The following PLPPR1 variants were observed in gnomAD, a reference collection of about 807,000 sequenced individuals.
PLPPR1 encodes phospholipid phosphatase related 1, also known as phospholipid phosphatase-related protein type 1.
In PLPPR1, 10 loss-of-function variants were observed where a neutral mutation model predicts 33.1. That is an observed-to-expected ratio of 0.30 (90% CI 0.19 to 0.51). PLPPR1 has a LOEUF of 0.51. PLPPR1 is among the 20% of genes least tolerant of loss of function. The pLI, the probability that PLPPR1 is intolerant of heterozygous loss-of-function variation, is 0.97. For missense variants in PLPPR1, 304 were observed against 408.1 expected (o/e 0.74, Z 2.20); for synonymous variants, 151 against 151.0 (o/e 1.00, Z 0.00).
chr9:101,124,790 C>T (rs918067874), intron 1 of PLPPR1, among the ~76,000 whole-genome samples: 2 of 152,204 alleles, frequency 1.3e-5, no homozygotes, highest in African/African-American at 2.4e-5. Flanking sequence ...TCCTCTTCCC[C>T]ATATAGTTAT....
chr9:101,243,060 A>G (rs971748277), intron 2 of PLPPR1, among the ~76,000 whole-genome samples: 1 of 152,206 alleles, frequency 6.6e-6, no homozygotes, highest in Middle Eastern at 3.4e-3. Flanking sequence ...GAATAATTGT[A>G]GCAGAAGGAA....
intron 1 of PLPPR1, among the ~76,000 whole-genome samples, chr9:101,134,681 G>A (rs1016448875): frequency 2.0e-5 from 3 of 152,116 alleles, no homozygotes; most frequent in African/African-American, 7.2e-5. Context: ...ACCACACATG[G>A]CTAGAACAGG....
intron 2 of PLPPR1, among the ~76,000 whole-genome samples, chr9:101,200,951 A>T (rs1826481669): frequency 6.6e-6 from 1 of 152,246 alleles, no homozygotes; most frequent in Non-Finnish European, 1.5e-5. Flanking sequence ...AAGAAAATAT[A>T]TGAGCCTGAG....
intron 2 of PLPPR1, among the ~76,000 whole-genome samples, chr9:101,246,850 T>G (rs1827619915): frequency 6.6e-6 from 1 of 151,980 alleles, no homozygotes; most frequent in Non-Finnish European, 1.5e-5. Context: ...GGTGCACACA[T>G]CTGGGAGTTA....
At chr9:101,061,435 T>C (rs1473646112) in intron 1 of PLPPR1, among the ~76,000 whole-genome samples, 2 of 151,982 alleles carry the variant, frequency 1.3e-5, no homozygotes. Flanking sequence ...AGATTTTCTC[T>C]GCATGATACA....
intron 4 of PLPPR1, among the ~76,000 whole-genome samples, chr9:101,303,743 A>G (rs1049668698): frequency 6.6e-6 from 1 of 152,114 alleles, no homozygotes; most frequent in South Asian, 2.1e-4. Flanking sequence ...ATCCAGATAA[A>G]TTGTTTTTAT....
intron 1 of PLPPR1, among the ~76,000 whole-genome samples, chr9:101,123,681 C>T (rs1034644068): frequency 2.6e-5 from 4 of 152,122 alleles, no homozygotes; most frequent in Non-Finnish European, 5.9e-5. Flanking sequence ...GCTGGGATGG[C>T]TTAGCATTTG....
chr9:101,061,372 T>A (rs1830345771), intron 1 of PLPPR1, among the ~76,000 whole-genome samples: 1 of 151,976 alleles, frequency 6.6e-6, no homozygotes, highest in African/African-American at 2.4e-5. Flanking sequence ...ACTTGCAAAA[T>A]GCTCTGCAGT....
chr9:101,219,046 G>A (rs1386330601), intron 2 of PLPPR1, among the ~76,000 whole-genome samples: 1 of 152,184 alleles, frequency 6.6e-6, no homozygotes, highest in African/African-American at 2.4e-5. Context: ...GGAAAGGATA[G>A]TTTTTAAACC....
At chr9:101,054,994 T>TTTCATAAGC (rs1830264510) in intron 1 of PLPPR1, among the ~76,000 whole-genome samples, 1 of 152,194 alleles carries the variant, frequency 6.6e-6, no homozygotes, top group Non-Finnish European at 1.5e-5. Context: ...AACGTGGTCA[T>TTTCATAAGC]TTCATAAGCG....
intron 1 of PLPPR1, among the ~76,000 whole-genome samples, chr9:101,130,317 G>A (rs1168253858): frequency 6.6e-6 from 1 of 152,098 alleles, no homozygotes; most frequent in Non-Finnish European, 1.5e-5. Context: ...GAGCAGATTG[G>A]GGGCATTCAG....
intron 1 of PLPPR1, among the ~76,000 whole-genome samples, chr9:101,087,888 C>A (rs910497847): frequency 6.6e-6 from 1 of 152,112 alleles, no homozygotes; most frequent in Non-Finnish European, 1.5e-5. Flanking sequence ...ATGAAATCAC[C>A]AATCATTCCT....
At chr9:101,055,091 C>T (rs1316954188) in intron 1 of PLPPR1, among the ~76,000 whole-genome samples, 4 of 152,148 alleles carry the variant, frequency 2.6e-5, no homozygotes, top group Non-Finnish European at 5.9e-5. Flanking sequence ...TCAACTAGAA[C>T]CAATGATTAT....
intron 2 of PLPPR1, among the ~76,000 whole-genome samples, chr9:101,197,372 G>T (rs1022271126): frequency 6.6e-6 from 1 of 152,166 alleles, no homozygotes; most frequent in Non-Finnish European, 1.5e-5. Flanking sequence ...TCAGTGGGGT[G>T]CTGTGTCTTA....
chr9:101,138,209 G>T (rs1831402259), intron 1 of PLPPR1, among the ~76,000 whole-genome samples: 1 of 152,178 alleles, frequency 6.6e-6, no homozygotes. Flanking sequence ...GTGATTTTGA[G>T]AAATGAATTC....
At chr9:101,300,713 A>G (rs371630562) in intron 4 of PLPPR1, among the ~76,000 whole-genome samples, 22 of 152,220 alleles carry the variant, frequency 1.4e-4, no homozygotes, top group East Asian at 1.3e-3. Context: ...CAATATTCCT[A>G]TATTTCGATA....
intron 6 of PLPPR1, among the ~76,000 whole-genome samples, chr9:101,316,436 CA>C (rs1360379973): frequency 2.1e-5 from 3 of 139,718 alleles, no homozygotes; most frequent in Non-Finnish European, 3.1e-5. Context: ...GACTCTGTCT[CA>C]AAAAAAAAGA....
chr9:101,032,123 T>C (rs1258946911), intron 1 of PLPPR1, among the ~76,000 whole-genome samples: 2 of 152,168 alleles, frequency 1.3e-5, no homozygotes, highest in Non-Finnish European at 2.9e-5. Context: ...GCGACAGATA[T>C]GGGTTCTTAG....
intron 1 of PLPPR1, among the ~76,000 whole-genome samples, chr9:101,095,999 G>A (rs1830812639): frequency 1.3e-5 from 2 of 152,130 alleles, no homozygotes; most frequent in Non-Finnish European, 2.9e-5. Flanking sequence ...ACTGTGGGTT[G>A]CCAAAAATGA....
Sources: gnomAD v4.1 joint callset for allele counts (sites outside exome capture counted in the v4.1 genomes callset) on GRCh38, gnomAD v4.1.1 for gene constraint, MANE v1.5 for transcripts, NCBI Gene and HGNC (gene_info 2026-07-23, HGNC 2026-07-21) for gene names.